GCNT2: variants seen among roughly 807,000 people sequenced by gnomAD.
GCNT2 encodes glucosaminyl (N-acetyl) transferase 2 (I blood group).
In GCNT2, 34 loss-of-function variants were observed where a neutral mutation model predicts 34.2. That is an observed-to-expected ratio of 1.00 (90% CI 0.76 to 1.32). The LOEUF is 1.32. GCNT2 is among the 40% of genes most tolerant of loss of function. The pLI, the probability that GCNT2 is intolerant of heterozygous loss-of-function variation, is 0.00. For missense variants in GCNT2, 584 were observed against 489.4 expected, an observed-to-expected ratio of 1.19 and a Z score of -1.82; for synonymous variants, 212 against 188.0, an observed-to-expected ratio of 1.13 and a Z score of -1.04.
At chr6:10,572,097 G>A (rs1763577956) in intron 3 of GCNT2, among the ~76,000 whole-genome samples, 2 of 151,374 alleles carry the variant, frequency 1.3e-5, no homozygotes, top group South Asian at 4.2e-4. Flanking sequence ...CGTGTTCTGG[G>A]AAACCCCTCA....
Position 10,607,121 on chromosome 6 carries a change from T to C in GCNT2, c.926-14230T>C, listed in dbSNP as rs1765355675. On this transcript the variant is annotated intron_variant, in intron 3 of 4. Transcript: ENST00000495262. Reference sequence around the variant, plus strand: ...ACCACCACACCCAGCTAATTTTTTGTATTTTTAGTAGAGACGGGGTTTCAC... The same window carrying C: ...ACCACCACACCCAGCTAATTTTTTGCATTTTTAGTAGAGACGGGGTTTCAC... Among the ~76,000 whole-genome samples, 5 of 152,148 alleles carry C rather than the reference T, an allele frequency of 3.3e-5. No individual in the cohort carries two copies. In the South Asian group the frequency reaches 1.0e-3, roughly 32 times the overall value.
chr6:10,621,686 T>C (rs1766044964), intron 4 of GCNT2: 3 of 468,802 alleles, frequency 6.4e-6, no homozygotes, highest in Non-Finnish European at 7.9e-6. Flanking sequence ...CAGGGCGGCA[T>C]GTTTTTCTTC....
intron 3 of GCNT2, among the ~76,000 whole-genome samples, chr6:10,536,686 G>C (rs1415189903): frequency 6.7e-6 from 1 of 149,292 alleles, no homozygotes; most frequent in Non-Finnish European, 1.5e-5. Context: ...AAATCAGAGA[G>C]TTGGGACACC....
intron 3 of GCNT2, chr6:10,557,278 C>T: frequency 6.2e-7 from 1 of 1,613,076 alleles, no homozygotes; most frequent in Non-Finnish European, 8.5e-7. Flanking sequence ...TTGATTTGCT[C>T]CAGTGGTCCA....
chr6:10,537,452 G>A (rs1254661423), intron 3 of GCNT2, among the ~76,000 whole-genome samples: 1 of 152,070 alleles, frequency 6.6e-6, no homozygotes, highest in African/African-American at 2.4e-5. Context: ...TGTAATCCCA[G>A]CACTTTGGGA....
At chr6:10,562,208 G>A (rs1396782467) in intron 3 of GCNT2, among the ~76,000 whole-genome samples, 2 of 152,122 alleles carry the variant, frequency 1.3e-5, no homozygotes, top group Admixed American at 6.5e-5. Flanking sequence ...TCCTGGGCAT[G>A]GGACCTTGAT....
chr6:10,531,098 T>G (rs1340632804), intron 3 of GCNT2, among the ~76,000 whole-genome samples: 1 of 151,406 alleles, frequency 6.6e-6, no homozygotes, highest in Non-Finnish European at 1.5e-5. Context: ...ATGAAGAAAC[T>G]TCAATGTGAT....
At chr6:10,607,280 A>G (rs1765362182) in intron 3 of GCNT2, among the ~76,000 whole-genome samples, 1 of 152,178 alleles carries the variant, frequency 6.6e-6, no homozygotes, top group South Asian at 2.1e-4. Context: ...GCATCTGCTC[A>G]GCATCTGGGG....
intron 3 of GCNT2, among the ~76,000 whole-genome samples, chr6:10,617,676 C>T (rs912057101): frequency 6.6e-6 from 1 of 152,024 alleles, no homozygotes; most frequent in Non-Finnish European, 1.5e-5. Flanking sequence ...TCACAGGCCT[C>T]TGACACCTCA....
intron 3 of GCNT2, chr6:10,581,766 G>C: frequency 3.0e-6 from 3 of 985,170 alleles, no homozygotes; most frequent in Non-Finnish European, 3.6e-6. Context: ...TGCAATAGAA[G>C]ACCTTTGCCT....
intron 3 of GCNT2, among the ~76,000 whole-genome samples, chr6:10,532,541 T>G (rs1383541586): frequency 6.6e-6 from 1 of 152,160 alleles, no homozygotes; most frequent in African/African-American, 2.4e-5. Flanking sequence ...ATTACAGGTG[T>G]GAGCCACACA....
At chr6:10,539,289 A>G (rs1223326708) in intron 3 of GCNT2, among the ~76,000 whole-genome samples, 1 of 144,086 alleles carries the variant, frequency 6.9e-6, no homozygotes, top group Non-Finnish European at 1.5e-5. Flanking sequence ...TCCTGGGTTC[A>G]AGCGATTCCC....
chr6:10,574,424 C>G (rs1013281379), intron 3 of GCNT2, among the ~76,000 whole-genome samples: 3 of 152,216 alleles, frequency 2.0e-5, no homozygotes, highest in Non-Finnish European at 4.4e-5. Context: ...TGCCTACATT[C>G]TCTACAAATC....
At chr6:10,598,741 A>G (rs1764963014) in intron 3 of GCNT2, among the ~76,000 whole-genome samples, 1 of 152,128 alleles carries the variant, frequency 6.6e-6, no homozygotes, top group South Asian at 2.1e-4. Flanking sequence ...AGTGTAGTGT[A>G]TTCAGTGCTG....
intron 3 of GCNT2, among the ~76,000 whole-genome samples, chr6:10,620,993 C>G (rs2025537): frequency 0.11 from 17,360 of 152,226 alleles, 1,763 homozygotes; most frequent in African/African-American, 0.28. Context: ...CCAGCCCAAA[C>G]TGTCAATCGC....
chr6:10,568,726 C>T (rs1412840480), intron 3 of GCNT2, among the ~76,000 whole-genome samples: 1 of 152,158 alleles, frequency 6.6e-6, no homozygotes, highest in Non-Finnish European at 1.5e-5. Context: ...ACCGTCAACT[C>T]CCATTGCTGC....
intron 3 of GCNT2, among the ~76,000 whole-genome samples, chr6:10,540,141 AAGAG>A (rs1181590711): frequency 6.6e-6 from 1 of 151,826 alleles, no homozygotes; most frequent in African/African-American, 2.4e-5. Flanking sequence ...GGAAGGAAGG[AAGAG>A]AGGGAGAGAG....
At chr6:10,523,517 C>T (rs377087003) in intron 1 of GCNT2, among the ~76,000 whole-genome samples, 1 of 151,974 alleles carries the variant, frequency 6.6e-6, no homozygotes, top group African/African-American at 2.4e-5. Context: ...GATCACAACC[C>T]ACTTCATTTC....
chr6:10,622,149 A>C (rs1300195774), intron 4 of GCNT2, among the ~76,000 whole-genome samples: 1 of 152,240 alleles, frequency 6.6e-6, no homozygotes, highest in East Asian at 1.9e-4. Context: ...GAAAAGAACT[A>C]GAAATCCTAA....
Sources: gnomAD v4.1 joint callset for allele counts (sites outside exome capture counted in the v4.1 genomes callset) on GRCh38, gnomAD v4.1.1 for gene constraint, MANE v1.5 for transcripts, NCBI Gene and HGNC (gene_info 2026-07-23, HGNC 2026-07-21) for gene names.